The following TMEM45A variants were observed in gnomAD, a reference collection of about 807,000 sequenced individuals.
TMEM45A encodes the protein transmembrane protein 45A.
In TMEM45A, 25 loss-of-function variants were observed where a neutral mutation model predicts 32.0. That is an observed-to-expected ratio of 0.78 (90% CI 0.57 to 1.09). The LOEUF is 1.09. TMEM45A is among the 50% of genes least tolerant of loss of function. The pLI, the probability that TMEM45A is intolerant of heterozygous loss-of-function variation, is 0.00. For synonymous variants in TMEM45A, 122 were observed against 114.8 expected (o/e 1.06, Z -0.40); for missense variants, 302 against 325.0 (o/e 0.93, Z 0.54).
At chr3:100,565,173 G>A (rs945308799) in intron 4 of TMEM45A, among the ~76,000 whole-genome samples, 4 of 152,166 alleles carry the variant, frequency 2.6e-5, no homozygotes, top group African/African-American at 7.2e-5. Context: ...CGACATACGA[G>A]GATGACGATG....
chr3:100,532,855 G>T (rs1307803706), intron 1 of TMEM45A, among the ~76,000 whole-genome samples: 1 of 152,146 alleles, frequency 6.6e-6, no homozygotes, highest in Non-Finnish European at 1.5e-5. Context: ...GTACCTCAAG[G>T]AATCAAGAGG....
At chr3:100,517,776 A>G (rs1708287362) in intron 1 of TMEM45A, among the ~76,000 whole-genome samples, 1 of 152,248 alleles carries the variant, frequency 6.6e-6, no homozygotes. Flanking sequence ...GCAGCTGGAA[A>G]AATGATGAGC....
intron 1 of TMEM45A, among the ~76,000 whole-genome samples, chr3:100,517,052 G>A (rs995310936): frequency 5.9e-5 from 9 of 152,102 alleles, no homozygotes; most frequent in African/African-American, 1.9e-4. Flanking sequence ...CTTTGCATGT[G>A]TTCTCAATCA....
chr3:100,527,551 C>A (rs1705570057), intron 1 of TMEM45A, among the ~76,000 whole-genome samples: 2 of 152,136 alleles, frequency 1.3e-5, no homozygotes, highest in African/African-American at 4.8e-5. Flanking sequence ...CTGTCCTTGA[C>A]CAAGGGTTCC....
intron 4 of TMEM45A, among the ~76,000 whole-genome samples, chr3:100,566,383 A>T (rs1706439196): frequency 6.6e-6 from 1 of 152,174 alleles, no homozygotes; most frequent in Admixed American, 6.5e-5. Flanking sequence ...AAAATTAGAT[A>T]GATAGATAAA....
chr3:100,556,726 A>T (rs760359241), intron 2 of TMEM45A, 34 bp from the exon 3 acceptor site: 6 of 1,573,450 alleles, frequency 3.8e-6, no homozygotes, highest in Non-Finnish European at 5.2e-6. Context: ...TATGTAAAGC[A>T]GAGTTGCTAA....
At chr3:100,536,941 G>C (rs1056963788) in intron 1 of TMEM45A, among the ~76,000 whole-genome samples, 1 of 152,284 alleles carries the variant, frequency 6.6e-6, no homozygotes, top group African/African-American at 2.4e-5. Flanking sequence ...TTTTTTTTGA[G>C]ATGGAGTTTT....
At chr3:100,509,575 G>A (rs186511981) in intron 1 of TMEM45A, among the ~76,000 whole-genome samples, 239 of 152,234 alleles carry the variant, frequency 1.6e-3, no homozygotes, top group Non-Finnish European at 2.4e-3. Context: ...AAGAAAATGT[G>A]GTATATAGAT....
chr3:100,569,447 G>A (rs1217844200), intron 5 of TMEM45A, among the ~76,000 whole-genome samples: 2 of 152,140 alleles, frequency 1.3e-5, no homozygotes, highest in Non-Finnish European at 2.9e-5. Context: ...AGATCCAGTT[G>A]AATACATTTT....
chr3:100,509,261 G>A (rs1708120743), intron 1 of TMEM45A, among the ~76,000 whole-genome samples: 1 of 152,152 alleles, frequency 6.6e-6, no homozygotes, highest in Non-Finnish European at 1.5e-5. Flanking sequence ...TGGAATGGCT[G>A]TTATGAAAAT....
chr3:100,552,128 A>G lies in TMEM45A; in HGVS notation c.-3-3081A>G, dbSNP rs1200113629. 2.0e-5 allele frequency among the ~76,000 whole-genome samples: 3 copies of G among 152,172 alleles called. 1 individual carries two copies. The highest frequency in any genetic ancestry group is 4.1e-4 in the South Asian group (2 of 4,826). The stretch of plus-strand genomic sequence containing the variant: ...GTTTGCTTGTATGTTTAAAGTATTT[A>G]TTAGGTAATTCTAAATATTTAAAAG... On this transcript the variant is annotated intron_variant, in intron 1 of 5. Transcript: ENST00000323523.
chr3:100,575,651 A>G (rs6764074), intron 5 of TMEM45A, among the ~76,000 whole-genome samples: 31,828 of 152,174 alleles, frequency 0.21, 4,249 homozygotes, highest in African/African-American at 0.36. Flanking sequence ...GATTATAGGC[A>G]TGAGCCACCA....
chr3:100,558,393 T>C lies in TMEM45A; in HGVS notation c.404-12T>C. 6.2e-7 allele frequency: 1 copy of C among 1,612,394 alleles called. No individual in the cohort carries two copies. Among genetic ancestry groups the C allele is most frequent in the Non-Finnish European group, 8.5e-7 (1 of 1,179,904 alleles). On this transcript the variant is annotated splice_polypyrimidine_tract_variant and intron_variant, in intron 3 of 5. Transcript: ENST00000323523. ...TTCCACTGAAAAAGACAATCTGTTT[T>C]TTCCCCATCAGCCTTTATCTTCTAC...
intron 1 of TMEM45A, among the ~76,000 whole-genome samples, chr3:100,524,404 C>A (rs1319460068): frequency 5.9e-5 from 9 of 152,082 alleles, no homozygotes. Flanking sequence ...ATGTTAATTT[C>A]TTTTTCCTTC....
chr3:100,576,032 G>T (rs1010052272), intron 5 of TMEM45A, among the ~76,000 whole-genome samples: 9 of 152,176 alleles, frequency 5.9e-5, no homozygotes, highest in Admixed American at 5.9e-4. Context: ...ATCAAAGTTG[G>T]CTGGGCACGG....
intron 1 of TMEM45A, among the ~76,000 whole-genome samples, chr3:100,502,901 A>C (rs1708024572): frequency 6.6e-6 from 1 of 152,240 alleles, no homozygotes. Flanking sequence ...AGGAAGACAG[A>C]GTGAAAAGGG....
At chr3:100,519,584 G>A (rs1037013818) in intron 1 of TMEM45A, 6 of 1,551,058 alleles carry the variant, frequency 3.9e-6, no homozygotes, top group Non-Finnish European at 4.4e-6. Context: ...ACTCAGAAGG[G>A]AAAATGGGAT....
At chr3:100,562,213 C>T (rs866356773) in intron 4 of TMEM45A, among the ~76,000 whole-genome samples, 4 of 150,186 alleles carry the variant, frequency 2.7e-5, no homozygotes, top group South Asian at 4.2e-4. Context: ...TTTTTTTTTG[C>T]AGATTGAGGT....
chr3:100,493,656 T>C (rs963133558), intron 1 of TMEM45A, among the ~76,000 whole-genome samples: 2 of 152,040 alleles, frequency 1.3e-5, no homozygotes, highest in Admixed American at 1.3e-4. Context: ...GTATACACTA[T>C]GCTATATGGT....
Sources: gnomAD v4.1 joint callset for allele counts (sites outside exome capture counted in the v4.1 genomes callset) on GRCh38, gnomAD v4.1.1 for gene constraint, MANE v1.5 for transcripts, NCBI Gene and HGNC (gene_info 2026-07-23, HGNC 2026-07-21) for gene names.